The following IGF2BP2 variants were observed in gnomAD, a reference collection of about 807,000 sequenced individuals.
The protein encoded by IGF2BP2 is insulin like growth factor 2 mRNA binding protein 2.
A neutral mutation model predicts 75.8 loss-of-function variants in IGF2BP2; 17 were observed. The observed-to-expected ratio is 0.22, with a 90% confidence interval of 0.15 to 0.34. The LOEUF (loss-of-function observed/expected upper bound fraction) is 0.34, where lower values mean the gene tolerates loss of function less well. Among genes scored for constraint, IGF2BP2 ranks in the 10% least tolerant of loss-of-function variants. The pLI, the probability that IGF2BP2 is intolerant of heterozygous loss-of-function variation, is 1.00. For synonymous variants in IGF2BP2, 288 were observed against 295.6 expected (o/e 0.97, Z 0.26); for missense variants, 516 against 772.4 (o/e 0.67, Z 3.93).
Position 185,687,071 on chromosome 3 carries a change from T to C in IGF2BP2, c.798A>G (p.Ala266=). The C allele has an allele frequency of 6.2e-7, 1 of 1,612,974 alleles. No individual in the cohort carries two copies. The highest frequency in any genetic ancestry group is 8.5e-7 in the Non-Finnish European group (1 of 1,179,868). Residue 266 remains alanine, a synonymous_variant, in exon 7 of 16, where the codon GCA becomes GCG. Transcript: ENST00000382199. The part of the protein sequence containing the change: ...RMILEIMQKE[A]DETKLAEEIP... ...TGCAAACTTACAGTTTGGTCTCATC[T>C]GCCTCTTTCTGCATGATTTCAAGAA...
chr3:185,704,739 C>T (rs1448580631), intron 2 of IGF2BP2, among the ~76,000 whole-genome samples: 1 of 151,724 alleles, frequency 6.6e-6, no homozygotes, highest in East Asian at 1.9e-4. Context: ...CATGAGCCAC[C>T]ACGCCAGCCC....
At chr3:185,714,206 A>AT (rs922161700) in intron 2 of IGF2BP2, among the ~76,000 whole-genome samples, 1 of 151,294 alleles carries the variant, frequency 6.6e-6, no homozygotes, top group East Asian at 1.9e-4. Flanking sequence ...CTGTATATGC[A>AT]TTTTTTCACT....
At chr3:185,761,617 A>G (rs912082564) in intron 2 of IGF2BP2, among the ~76,000 whole-genome samples, 5 of 152,204 alleles carry the variant, frequency 3.3e-5, no homozygotes, top group Non-Finnish European at 5.9e-5. Context: ...TTTCTCCAGG[A>G]AAGACCTCAC....
rs79629658 is a variant in IGF2BP2 at position 185,732,819 on chromosome 3, G to A, written c.240-34472C>T. ...CCAAATTTAATGTAAGCAATGTGTG[G>A]GAATAAAGGATGTTGAGTTAGATAA... On this transcript the variant is annotated intron_variant, in intron 2 of 15. Coordinates refer to ENST00000382199, the MANE Select transcript of IGF2BP2 (RefSeq NM_006548.6). Among the ~76,000 whole-genome samples, 415 of 152,256 alleles carry A rather than the reference G, an allele frequency of 2.7e-3. 3 individuals carry two copies. The highest frequency in any genetic ancestry group is 9.3e-3 in the African/African-American group (385 of 41,548).
intron 7 of IGF2BP2, among the ~76,000 whole-genome samples, chr3:185,682,926 C>T (rs906092368): frequency 6.6e-6 from 1 of 152,070 alleles, no homozygotes; most frequent in African/African-American, 2.4e-5. Flanking sequence ...TATGACCCAG[C>T]AATCTCACTT....
intron 12 of IGF2BP2, among the ~76,000 whole-genome samples, chr3:185,653,797 G>A (rs1180133866): frequency 1.3e-5 from 2 of 152,162 alleles, no homozygotes; most frequent in African/African-American, 4.8e-5. Flanking sequence ...GGGACATCAT[G>A]TTCTAAGGCA....
intron 2 of IGF2BP2, among the ~76,000 whole-genome samples, chr3:185,792,232 C>T (rs1736737846): frequency 6.6e-6 from 1 of 152,016 alleles, no homozygotes; most frequent in Admixed American, 6.6e-5. Flanking sequence ...AATTATGGCC[C>T]CTCCAAAAAA....
At chr3:185,824,648 G>A (rs1741804423) in intron 1 of IGF2BP2, 135 bp downstream of exon 1, 2 of 490,290 alleles carry the variant, frequency 4.1e-6, no homozygotes, top group Non-Finnish European at 6.2e-6. Flanking sequence ...AGAGTTGAGG[G>A]TCTGGTGCGT....
intron 10 of IGF2BP2, among the ~76,000 whole-genome samples, chr3:185,663,587 C>T (rs1352377501): frequency 1.3e-5 from 2 of 151,016 alleles, no homozygotes; most frequent in African/African-American, 4.9e-5. Context: ...ATCTGATACA[C>T]AATTTAGGTG....
chr3:185,655,687 G>T (rs1279986908), intron 12 of IGF2BP2, among the ~76,000 whole-genome samples: 1 of 152,244 alleles, frequency 6.6e-6, no homozygotes, highest in Non-Finnish European at 1.5e-5. Context: ...ACCTGGGACT[G>T]TGGGATGCAG....
chr3:185,770,873 C>T (rs1254617863), intron 2 of IGF2BP2, among the ~76,000 whole-genome samples: 1 of 152,218 alleles, frequency 6.6e-6, no homozygotes, highest in Non-Finnish European at 1.5e-5. Context: ...ACCTCAGCCT[C>T]TCTAGCAGCT....
At chr3:185,818,266 T>C (rs1740864241) in intron 2 of IGF2BP2, among the ~76,000 whole-genome samples, 2 of 152,144 alleles carry the variant, frequency 1.3e-5, no homozygotes, top group African/African-American at 4.8e-5. Context: ...ACAGAATCTT[T>C]TGTGACAGGG....
At chr3:185,715,122 C>T (rs757453717) in intron 2 of IGF2BP2, among the ~76,000 whole-genome samples, 30 of 152,210 alleles carry the variant, frequency 2.0e-4, no homozygotes, top group African/African-American at 5.3e-4. Flanking sequence ...ACCTTAGCAA[C>T]GCTCTGAGGA....
chr3:185,730,797 G>A (rs1372686036), intron 2 of IGF2BP2, among the ~76,000 whole-genome samples: 2 of 152,044 alleles, frequency 1.3e-5, no homozygotes, highest in Non-Finnish European at 2.9e-5. Flanking sequence ...AGAAATCTCC[G>A]TACTGTTTTC....
intron 2 of IGF2BP2, among the ~76,000 whole-genome samples, chr3:185,749,159 G>A (rs1025312893): frequency 1.6e-4 from 24 of 151,834 alleles, no homozygotes; most frequent in Non-Finnish European, 2.6e-4. Context: ...GCGAGACTCC[G>A]TCTAAAAGAA....
At chr3:185,819,602 C>T (rs1487840096) in intron 2 of IGF2BP2, among the ~76,000 whole-genome samples, 3 of 151,548 alleles carry the variant, frequency 2.0e-5, no homozygotes, top group African/African-American at 7.3e-5. Flanking sequence ...TCCTGGGAAA[C>T]TAAAAGTTTA....
chr3:185,665,976 A>G (rs1254003232), intron 10 of IGF2BP2, among the ~76,000 whole-genome samples: 1 of 149,114 alleles, frequency 6.7e-6, no homozygotes, highest in African/African-American at 2.5e-5. Flanking sequence ...CTAGATAGAC[A>G]GATAGATAGA....
At chr3:185,758,042 T>C (rs138625765) in intron 2 of IGF2BP2, among the ~76,000 whole-genome samples, 1 of 152,218 alleles carries the variant, frequency 6.6e-6, no homozygotes, top group Non-Finnish European at 1.5e-5. Flanking sequence ...GTCTTTTTCA[T>C]AGAGAATGTG....
At chr3:185,803,638 G>A (rs1738577635) in intron 2 of IGF2BP2, among the ~76,000 whole-genome samples, 1 of 152,198 alleles carries the variant, frequency 6.6e-6, no homozygotes, top group Non-Finnish European at 1.5e-5. Context: ...GTGGCACCCA[G>A]ATATTTGTGT....
Sources: allele counts gnomAD v4.1 joint callset (sites outside exome capture counted in the v4.1 genomes callset), GRCh38; gene constraint gnomAD v4.1.1; transcripts MANE v1.5; gene names NCBI Gene and HGNC (gene_info 2026-07-23, HGNC 2026-07-21).